Variants in TIMP2 observed in about 807,000 individuals in gnomAD.
The protein encoded by TIMP2 is metalloproteinase inhibitor 2.
A neutral mutation model predicts 24.3 loss-of-function variants in TIMP2; 5 were observed. The ratio of observed to expected loss-of-function variants is 0.21; its 90% CI spans 0.11 to 0.43. The LOEUF is 0.43. TIMP2 is among the 20% of genes least tolerant of loss of function. The probability of loss-of-function intolerance (pLI) is 1.00; values close to 1 mark genes in which losing one functional copy is unlikely to be tolerated. For synonymous variants in TIMP2, 130 were observed against 123.2 expected (o/e 1.06, Z -0.37); for missense variants, 221 against 297.5 (o/e 0.74, Z 1.89).
intron 1 of TIMP2, among the ~76,000 whole-genome samples, chr17:78,889,132 G>A (rs1211997784): frequency 2.6e-5 from 4 of 152,236 alleles, no homozygotes; most frequent in African/African-American, 7.2e-5. Context: ...GTAGAGCTGG[G>A]TAATTACCAC....
chr17:78,875,360 G>C (rs1467784573), intron 1 of TIMP2, among the ~76,000 whole-genome samples: 2 of 152,126 alleles, frequency 1.3e-5, no homozygotes, highest in Non-Finnish European at 2.9e-5. Context: ...AAGGAGTTGG[G>C]GAAGAGGCTG....
intron 1 of TIMP2, chr17:78,892,036 G>A: frequency 6.4e-7 from 1 of 1,550,828 alleles, no homozygotes; most frequent in Non-Finnish European, 8.7e-7. Context: ...ATCTTCGCTG[G>A]ATGGGCCCCT....
Position 78,891,393 on chromosome 17 carries a change from G to C in TIMP2, c.131-17474C>G. 1 of 1,550,650 alleles carries C rather than the reference G, an allele frequency of 6.4e-7. No homozygotes were observed. The highest frequency in any genetic ancestry group is 8.7e-7 in the Non-Finnish European group (1 of 1,147,046). On this transcript the variant is annotated intron_variant, in intron 1 of 4. Coordinates refer to ENST00000262768, the MANE Select transcript of TIMP2 (RefSeq NM_003255.5). This position sits in a 1 kb window ranked among gnomAD's most constrained non-coding sequence, Gnocchi z 4.5. ...AAGGCATGCCCTTCCCCAGGTCTCT[G>C]GTCCATCCTGGGCTTCAGTGCCAGG... is the stretch of plus-strand genomic sequence containing the variant.
chr17:78,902,296 C>T (rs568161854), intron 1 of TIMP2, among the ~76,000 whole-genome samples: 24 of 152,330 alleles, frequency 1.6e-4, no homozygotes, highest in South Asian at 6.2e-4. Context: ...TTAGTAGAGA[C>T]GGGGATTCAC....
intron 2 of TIMP2, among the ~76,000 whole-genome samples, chr17:78,871,871 G>C (rs1280037202): frequency 6.6e-6 from 1 of 151,718 alleles, no homozygotes; most frequent in African/African-American, 2.4e-5. Flanking sequence ...CTGTCATCTG[G>C]AGCATGACAT....
rs574855010 is a variant in TIMP2 at position 78,864,255 on chromosome 17, TTTCC to T, written c.341-6613_341-6610del. Among the ~76,000 whole-genome samples, 57 of 148,970 alleles carry T rather than the reference TTTCC, an allele frequency of 3.8e-4. No homozygotes were observed. The East Asian group carries it at 9.6e-3, about 25-fold the overall frequency. ...ATGACCACACCCAGCTCATCTCTTCTTTCCTTCCTTCCTTCCTTCTTCTTCCCTC... is the reference window on the plus strand; with the variant it reads ...ATGACCACACCCAGCTCATCTCTTCTTTCCTTCCTTCCTTCTTCTTCCCTC... On this transcript the variant is annotated intron_variant, in intron 3 of 4. Coordinates refer to ENST00000262768, the MANE Select transcript of TIMP2 (RefSeq NM_003255.5).
chr17:78,890,754 GGTCGTCGTCGGCGA>G, intron 1 of TIMP2: 1 of 1,550,626 alleles, frequency 6.4e-7, no homozygotes, highest in Non-Finnish European at 8.7e-7. Flanking sequence ...TGACTGTGCC[GGTCGTCGTCGGCGA>G]GGCTGGTGCC....
intron 4 of TIMP2, chr17:78,856,701 T>C (rs1207880272): frequency 3.9e-5 from 6 of 152,298 alleles, no homozygotes; most frequent in African/African-American, 1.4e-4. Context: ...CAGCTGTGCC[T>C]GGCACAACCT....
chr17:78,914,606 G>A (rs1389393619), intron 1 of TIMP2, among the ~76,000 whole-genome samples: 2 of 151,106 alleles, frequency 1.3e-5, no homozygotes, highest in Non-Finnish European at 2.9e-5. Context: ...TTTCTTTATA[G>A]ACAGAGTCTT....
At chr17:78,910,601 C>T (rs2070199154) in intron 1 of TIMP2, among the ~76,000 whole-genome samples, 2 of 152,200 alleles carry the variant, frequency 1.3e-5, no homozygotes, top group South Asian at 4.1e-4. Context: ...CCTCCCCCAA[C>T]CCTTCCCAGA....
intron 1 of TIMP2, among the ~76,000 whole-genome samples, chr17:78,910,139 C>G (rs1464518301): frequency 6.6e-6 from 1 of 151,996 alleles, no homozygotes; most frequent in Non-Finnish European, 1.5e-5. Flanking sequence ...TAGGAACATT[C>G]AATGTCCTCC....
chr17:78,859,001 C>G (rs1224206556), intron 3 of TIMP2, among the ~76,000 whole-genome samples: 1 of 152,158 alleles, frequency 6.6e-6, no homozygotes, highest in Non-Finnish European at 1.5e-5. Context: ...CTATGTGCAT[C>G]TTCACACATA....
At position 78,854,943 on chromosome 17, in the gene TIMP2, T is replaced by TGGGGGGGGGGGGGGGGGGGGGG. The variant is rs1567989551; in HGVS notation, c.*723_*724insCCCCCCCCCCCCCCCCCCCCCC. The TGGGGGGGGGGGGGGGGGGGGGG allele has an allele frequency of 3.8e-5, 1 of 26,452 alleles. No individual in the cohort carries two copies. The allele number at this position is 26,452 out of a possible 1,614,324, so 1.6% of individuals were successfully genotyped here. ...GGGCGGGGGGGGGGGGGTGGGGGGGTGGGTGCAGACCAAAAAGACTCAGCT... is the reference window on the plus strand; with the variant it reads ...GGGCGGGGGGGGGGGGGTGGGGGGGTGGGGGGGGGGGGGGGGGGGGGGGGGTGCAGACCAAAAAGACTCAGCT... On this transcript the variant is annotated 3_prime_UTR_variant, in exon 5 of 5. Coordinates refer to ENST00000262768, the MANE Select transcript of TIMP2 (RefSeq NM_003255.5).
intron 1 of TIMP2, among the ~76,000 whole-genome samples, chr17:78,918,896 G>A (rs1471631791): frequency 2.6e-5 from 4 of 151,710 alleles, no homozygotes; most frequent in South Asian, 4.2e-4. Context: ...TGGGAGAATC[G>A]CTTGGGCCAG....
rs749623759 is a variant in TIMP2, at chr17:78,855,913, G to C, written c.466-49C>G. ...GACGGAGTCAGGGACCCAGGAAGGG[G>C]TGGGCAGAGGCTGCTCTGGGGGCAT... On this transcript the variant is annotated intron_variant, in intron 4 of 4. Transcript: ENST00000262768. The surrounding 1 kb of genome is among the most constrained non-coding windows in gnomAD (Gnocchi z 6.0). 8.8e-6 allele frequency: 14 copies of C among 1,593,800 alleles called. No homozygotes were observed. Among genetic ancestry groups the C allele is most frequent in the Admixed American group, 3.3e-5 (2 of 59,934 alleles).
At chr17:78,911,972 G>A (rs28407600) in intron 1 of TIMP2, among the ~76,000 whole-genome samples, 11,589 of 151,078 alleles carry the variant, frequency 0.077, 503 homozygotes, top group Middle Eastern at 0.13. Context: ...GCTGAGGCAG[G>A]AGAATTGCTT....
chr17:78,886,355 C>A (rs1219531839), intron 1 of TIMP2, among the ~76,000 whole-genome samples: 1 of 152,070 alleles, frequency 6.6e-6, no homozygotes, highest in Non-Finnish European at 1.5e-5. Flanking sequence ...GGCTTCCAGG[C>A]TAAGGCAGGA....
At chr17:78,857,267 C>T (rs770477319) in intron 4 of TIMP2, 7 of 468,820 alleles carry the variant, frequency 1.5e-5, no homozygotes, top group African/African-American at 2.0e-5. Flanking sequence ...GGATTACAGG[C>T]GTGAGCCGCA....
chr17:78,915,583 G>A (rs897213190), intron 1 of TIMP2, among the ~76,000 whole-genome samples: 9 of 151,634 alleles, frequency 5.9e-5, no homozygotes, highest in South Asian at 2.1e-4. Flanking sequence ...GCAGTGGTGC[G>A]ATGTCGGCTC....
Sources: gnomAD v4.1 joint callset for allele counts (sites outside exome capture counted in the v4.1 genomes callset) on GRCh38, gnomAD v4.1.1 for gene constraint, Gnocchi (gnomAD v3.1) non-coding constraint, MANE v1.5 for transcripts, NCBI Gene and HGNC (gene_info 2026-07-23, HGNC 2026-07-21) for gene names.